TOX2: variants seen among roughly 807,000 people sequenced by gnomAD.
TOX2 encodes the protein granulosa cell HMG box 1.
TOX2 carries 15 observed loss-of-function variants against 47.4 expected under a neutral mutation model. That is an observed-to-expected ratio of 0.32 (90% CI 0.21 to 0.49). The LOEUF (loss-of-function observed/expected upper bound fraction) is 0.49, where lower values mean the gene tolerates loss of function less well. Ranked by LOEUF, TOX2 falls within the 20% of genes least tolerant of loss-of-function variation. The pLI, the probability that TOX2 is intolerant of heterozygous loss-of-function variation, is 0.99. For synonymous variants in TOX2, 290 were observed against 296.6 expected (o/e 0.98, Z 0.23); for missense variants, 622 against 673.1 (o/e 0.92, Z 0.84).
At chr20:43,974,677 C>T (rs530395424) in intron 2 of TOX2, among the ~76,000 whole-genome samples, 2 of 152,352 alleles carry the variant, frequency 1.3e-5, no homozygotes, top group African/African-American at 2.4e-5. Flanking sequence ...TATTAATTCA[C>T]AAATATTTAT....
At chr20:43,963,400 G>A (rs2145435973) in intron 1 of TOX2, among the ~76,000 whole-genome samples, 1 of 152,346 alleles carries the variant, frequency 6.6e-6, no homozygotes, top group Non-Finnish European at 1.5e-5. Flanking sequence ...GGCAGGCAGT[G>A]CCCAAGGCGT....
intron 2 of TOX2, among the ~76,000 whole-genome samples, chr20:43,988,887 G>A (rs2070319004): frequency 6.6e-6 from 1 of 152,218 alleles, no homozygotes; most frequent in Non-Finnish European, 1.5e-5. Context: ...GACTAGAAGT[G>A]AGAACACTGG....
In TOX2 at chr20:43,916,048, A is replaced by G. The variant is rs548974657; in HGVS notation, c.99+1058A>G. ...CGCCGGAGAGGGAACTTTCAAACTT[A>G]GTTAGGAAGCCAGACTGTCCGCGCG... On this transcript the variant is annotated intron_variant, in intron 1 of 8. Transcript: ENST00000341197. This position sits in a 1 kb window ranked among gnomAD's most constrained non-coding sequence, Gnocchi z 5.0. 31 of 892,538 alleles carry G rather than the reference A, an allele frequency of 3.5e-5. No homozygotes were observed. In the African/African-American group the frequency reaches 5.4e-4, roughly 16 times the overall value. 55.3% of individuals were successfully genotyped at this position (892,538 alleles called of 1,614,324 possible). A position where few individuals can be genotyped will look rare whatever the true frequency, so the allele number is the denominator to read the frequency against.
intron 1 of TOX2, among the ~76,000 whole-genome samples, chr20:43,959,764 G>A (rs2069727203): frequency 6.6e-6 from 1 of 152,192 alleles, no homozygotes; most frequent in African/African-American, 2.4e-5. Flanking sequence ...AATCAGTTTT[G>A]GGACTTGTTC....
rs1569003383 is a variant in TOX2, at chr20:43,927,619, TC to T, written c.99+12631del. Among the ~76,000 whole-genome samples the T allele has an allele frequency of 6.6e-5, 5 of 75,192 alleles. No homozygotes were observed. In the African/African-American group the frequency reaches 7.2e-4, roughly 11 times the overall value. 49.3% of individuals were successfully genotyped at this position (75,192 alleles called of 152,430 possible). On this transcript the variant is annotated intron_variant, in intron 1 of 8. Coordinates refer to ENST00000341197, the MANE Select transcript of TOX2 (RefSeq NM_001098797.2). The stretch of plus-strand genomic sequence containing the variant: ...TTCCTTCCTTCCTTCCTTCCTTCCT[TC>T]CTTCCTCCTTCCTTCCTTCCTCCCC...
chr20:44,012,074 C>T (rs979605782), intron 3 of TOX2, among the ~76,000 whole-genome samples: 1 of 152,250 alleles, frequency 6.6e-6, no homozygotes, highest in African/African-American at 2.4e-5. Context: ...TAAAGTGCTG[C>T]ACCTCTGTCT....
chr20:43,994,459 C>CAA (rs1555837275), intron 2 of TOX2, among the ~76,000 whole-genome samples: 3 of 127,996 alleles, frequency 2.3e-5, no homozygotes, highest in Non-Finnish European at 3.3e-5. Context: ...ACCCTGTCTC[C>CAA]AAAAAAAAAA....
chr20:44,065,145 G>C (rs748538575), intron 6 of TOX2, among the ~76,000 whole-genome samples: 5 of 152,194 alleles, frequency 3.3e-5, no homozygotes, highest in Non-Finnish European at 4.4e-5. Context: ...TTCAAACCCA[G>C]TTTTGCCAGT....
At chr20:44,034,933 C>T (rs1347469046) in intron 3 of TOX2, among the ~76,000 whole-genome samples, 2 of 152,244 alleles carry the variant, frequency 1.3e-5, no homozygotes, top group Non-Finnish European at 2.9e-5. Flanking sequence ...CCTGCTCCTC[C>T]TTCTATGTCT....
intron 3 of TOX2, among the ~76,000 whole-genome samples, chr20:44,035,186 C>T (rs553152775): frequency 2.6e-5 from 4 of 152,234 alleles, no homozygotes; most frequent in South Asian, 2.1e-4. Context: ...GTGGTTCCAT[C>T]GGGCAATTCT....
At chr20:44,006,403 C>G (rs1342590191) in intron 2 of TOX2, 144 bp from the exon 3 acceptor site, 5 of 1,321,292 alleles carry the variant, frequency 3.8e-6, no homozygotes, top group African/African-American at 1.5e-5. Flanking sequence ...CCGTCTTGAC[C>G]CTCTGCCTTG....
rs939926054 is a variant in TOX2, at chr20:43,916,951, G to C, written c.99+1961G>C. ...CACCAGAACCTGTGCGAATCTCGCCGGGAAGGGCCCGTCAGGGAGGGAATG... is the reference window on the plus strand; with the variant it reads ...CACCAGAACCTGTGCGAATCTCGCCCGGAAGGGCCCGTCAGGGAGGGAATG... On this transcript the variant is annotated intron_variant, in intron 1 of 8. Coordinates refer to ENST00000341197, the MANE Select transcript of TOX2 (RefSeq NM_001098797.2). The surrounding 1 kb of genome is among the most constrained non-coding windows in gnomAD (Gnocchi z 5.0). 6.6e-6 allele frequency among the ~76,000 whole-genome samples: 1 copy of C among 152,226 alleles called. No homozygotes were observed. Among genetic ancestry groups the C allele is most frequent in the Admixed American group, 6.5e-5 (1 of 15,284 alleles).
intron 2 of TOX2, among the ~76,000 whole-genome samples, chr20:43,978,710 A>G (rs1424296523): frequency 6.6e-6 from 1 of 151,464 alleles, no homozygotes. Context: ...CTTAGCTCTA[A>G]ATACCACTTC....
intron 1 of TOX2, among the ~76,000 whole-genome samples, chr20:43,943,830 G>C (rs2069431998): frequency 6.7e-6 from 1 of 149,952 alleles, no homozygotes; most frequent in African/African-American, 2.5e-5. Context: ...CATTTTCAAG[G>C]CCGCATAGTA....
intron 5 of TOX2, among the ~76,000 whole-genome samples, chr20:44,064,424 C>T (rs1249667103): frequency 6.6e-6 from 1 of 152,178 alleles, no homozygotes; most frequent in Non-Finnish European, 1.5e-5. Context: ...TTCTAGGTTG[C>T]GAAGGTGGTT....
chr20:43,988,944 A>T (rs1399366303), intron 2 of TOX2, among the ~76,000 whole-genome samples: 4 of 152,198 alleles, frequency 2.6e-5, no homozygotes, highest in Admixed American at 2.6e-4. Flanking sequence ...TGTGACCTTG[A>T]GTAAGTCTCT....
chr20:44,064,701 T>C, intron 5 of TOX2, 76 bp from the exon 6 acceptor site: 1 of 1,415,376 alleles, frequency 7.1e-7, no homozygotes, highest in Non-Finnish European at 9.9e-7. Context: ...AATCCATGCC[T>C]TCCCACCCCA....
intron 1 of TOX2, among the ~76,000 whole-genome samples, chr20:43,921,089 G>A (rs1377811795): frequency 6.6e-6 from 1 of 152,188 alleles, no homozygotes; most frequent in African/African-American, 2.4e-5. Flanking sequence ...AAGGAGCCAG[G>A]GCAGGACCCC....
intron 1 of TOX2, among the ~76,000 whole-genome samples, chr20:43,936,040 T>A (rs2069323838): frequency 6.6e-6 from 1 of 150,622 alleles, no homozygotes; most frequent in African/African-American, 2.5e-5. Flanking sequence ...TGCACAGGGG[T>A]CTTTAGCTTC....
Sources: allele counts gnomAD v4.1 joint callset (sites outside exome capture counted in the v4.1 genomes callset), GRCh38; gene constraint gnomAD v4.1.1; non-coding constraint Gnocchi (gnomAD v3.1); transcripts MANE v1.5; gene names NCBI Gene and HGNC (gene_info 2026-07-23, HGNC 2026-07-21).